Variants in PRMT3 observed in about 807,000 individuals in gnomAD.
PRMT3 encodes protein arginine methyltransferase 3.
PRMT3 carries 62 observed loss-of-function variants against 71.9 expected under a neutral mutation model. The ratio of observed to expected loss-of-function variants is 0.86; its 90% CI spans 0.70 to 1.07. The LOEUF (loss-of-function observed/expected upper bound fraction) is 1.07, where lower values mean the gene tolerates loss of function less well. Ranked by LOEUF, PRMT3 falls within the 50% of genes least tolerant of loss-of-function variation. The pLI, the probability that PRMT3 is intolerant of heterozygous loss-of-function variation, is 0.00. For missense variants in PRMT3, 663 were observed against 643.0 expected (o/e 1.03, Z -0.34); for synonymous variants, 213 against 220.4 (o/e 0.97, Z 0.30).
chr11:20,399,343 G>A (rs1249287970), intron 7 of PRMT3, among the ~76,000 whole-genome samples: 1 of 152,076 alleles, frequency 6.6e-6, no homozygotes, highest in Non-Finnish European at 1.5e-5. Context: ...CTTATATGGG[G>A]TCTTTTAAAA....
intron 13 of PRMT3, among the ~76,000 whole-genome samples, chr11:20,478,286 T>G (rs924492468): frequency 6.6e-6 from 1 of 152,214 alleles, no homozygotes; most frequent in Non-Finnish European, 1.5e-5. Context: ...ATAAATTGCT[T>G]TTTAAAGCCC....
At chr11:20,446,239 G>A (rs542129224) in intron 10 of PRMT3, among the ~76,000 whole-genome samples, 5 of 152,054 alleles carry the variant, frequency 3.3e-5, no homozygotes, top group South Asian at 2.1e-4. Context: ...TGCTAATCTC[G>A]TAGTCATGTA....
At chr11:20,492,715 C>T (rs1851235936) in intron 13 of PRMT3, among the ~76,000 whole-genome samples, 1 of 152,092 alleles carries the variant, frequency 6.6e-6, no homozygotes, top group African/African-American at 2.4e-5. Context: ...TTAAATTTAA[C>T]CAAAAAACTC....
At chr11:20,445,140 CCT>C (rs1849995600) in intron 10 of PRMT3, among the ~76,000 whole-genome samples, 2 of 151,890 alleles carry the variant, frequency 1.3e-5, no homozygotes, top group African/African-American at 4.8e-5. Context: ...CTTTTCTAAA[CCT>C]CTCTTACAAT....
chr11:20,402,989 G>T lies in PRMT3; in HGVS notation c.771+5G>T, dbSNP rs202067333. 5.1e-6 allele frequency: 8 copies of T among 1,565,674 alleles called. No individual in the cohort carries two copies. The Middle Eastern group carries it at 5.0e-4, about 98-fold the overall frequency. ...CCACATATCTTCAAAGACAAGGTAA[G>T]TAGTATAGGTTATAGAATTATACAT... is the stretch of plus-strand genomic sequence containing the variant. On this transcript the variant is annotated splice_donor_5th_base_variant and intron_variant, in intron 8 of 15. Coordinates refer to ENST00000331079, the MANE Select transcript of PRMT3 (RefSeq NM_005788.4).
At chr11:20,407,528 G>T (rs1849097903) in intron 8 of PRMT3, 1 of 158,478 alleles carries the variant, frequency 6.3e-6, no homozygotes, top group Non-Finnish European at 1.4e-5. Flanking sequence ...GACTCACCCA[G>T]ACAGGCCATG....
At chr11:20,404,475 G>A (rs1432414219) in intron 8 of PRMT3, among the ~76,000 whole-genome samples, 5 of 151,580 alleles carry the variant, frequency 3.3e-5, no homozygotes, top group South Asian at 2.1e-4. Flanking sequence ...CTTGTGATCC[G>A]CCCGCCTCGG....
At chr11:20,396,438 A>G (rs1457020059) in intron 6 of PRMT3, among the ~76,000 whole-genome samples, 1 of 152,120 alleles carries the variant, frequency 6.6e-6, no homozygotes, top group African/African-American at 2.4e-5. Context: ...GGAGTTTGAG[A>G]CCAGCCTGGC....
At chr11:20,411,266 A>G (rs889471567) in intron 9 of PRMT3, among the ~76,000 whole-genome samples, 10 of 152,108 alleles carry the variant, frequency 6.6e-5, no homozygotes, top group African/African-American at 2.4e-4. Flanking sequence ...CATTGACTCA[A>G]AATACTTGTC....
intron 9 of PRMT3, among the ~76,000 whole-genome samples, chr11:20,415,139 A>G (rs1849277286): frequency 6.6e-6 from 1 of 152,014 alleles, no homozygotes; most frequent in Non-Finnish European, 1.5e-5. Flanking sequence ...TAAGTTTAAT[A>G]GAAATAACAG....
chr11:20,409,442 A>G (rs1402944074), intron 9 of PRMT3, among the ~76,000 whole-genome samples: 1 of 152,234 alleles, frequency 6.6e-6, no homozygotes, highest in African/African-American at 2.4e-5. Context: ...TGCCCAGCAC[A>G]TAGTAAATAT....
chr11:20,392,064 T>G, intron 3 of PRMT3, 147 bp from the exon 4 acceptor site: 1 of 692,258 alleles, frequency 1.4e-6, no homozygotes, highest in Non-Finnish European at 2.3e-6. Context: ...TATTACTACT[T>G]CTAATTCTTA....
At chr11:20,466,776 A>C (rs1283606657) in intron 13 of PRMT3, among the ~76,000 whole-genome samples, 1 of 152,224 alleles carries the variant, frequency 6.6e-6, no homozygotes, top group Non-Finnish European at 1.5e-5. Context: ...GTAAAACAAA[A>C]CAAGAAAAAA....
rs6483700 is a variant in PRMT3, at chr11:20,508,340, A to T, written c.1523A>T (p.Asn508Ile). 4 of 1,611,850 alleles carry T rather than the reference A, an allele frequency of 2.5e-6. No individual in the cohort carries two copies. Among genetic ancestry groups the T allele is most frequent in the Non-Finnish European group, 3.4e-6 (4 of 1,178,050 alleles). Reference protein sequence around the residue: ...ALKGKVTVHKNKKDPRSLTVT... With the variant: ...ALKGKVTVHKIKKDPRSLTVT... ...AAAGGAAAGGTCACAGTTCACAAGA[A>T]TAAGAAAGATCCACGTTCTCTCACC... Residue 508 changes from asparagine (N) to isoleucine (I), a missense_variant, in exon 16 of 16, where the codon AAT becomes ATT. Physicochemically the swap from Asn to Ile is moderately radical, Grantham distance 149. Coordinates refer to ENST00000331079, the MANE Select transcript of PRMT3 (RefSeq NM_005788.4).
chr11:20,486,233 T>TTG (rs1851067900), intron 13 of PRMT3, among the ~76,000 whole-genome samples: 1 of 152,180 alleles, frequency 6.6e-6, no homozygotes, highest in Non-Finnish European at 1.5e-5. Context: ...TAAAATTAGA[T>TTG]TGTAATGATG....
At chr11:20,421,183 T>C (rs955358335) in intron 9 of PRMT3, among the ~76,000 whole-genome samples, 1 of 152,122 alleles carries the variant, frequency 6.6e-6, no homozygotes, top group South Asian at 2.1e-4. Context: ...GACCACAGGC[T>C]CACGCCACCG....
At chr11:20,426,647 T>C in intron 9 of PRMT3, 119 bp from the exon 10 acceptor site, 6 of 1,075,846 alleles carry the variant, frequency 5.6e-6, no homozygotes, top group Non-Finnish European at 7.3e-6. Context: ...ACAACTAAGC[T>C]TTGATTGAAA....
At chr11:20,448,291 T>G (rs992392726) in intron 10 of PRMT3, among the ~76,000 whole-genome samples, 5 of 152,168 alleles carry the variant, frequency 3.3e-5, no homozygotes, top group Non-Finnish European at 7.4e-5. Flanking sequence ...ATGTTTTTAC[T>G]TGAAATGTCT....
At chr11:20,407,885 T>A in intron 8 of PRMT3, 26 bp from the exon 9 acceptor site, 1 of 1,583,260 alleles carries the variant, frequency 6.3e-7, no homozygotes, top group Non-Finnish European at 8.6e-7. Flanking sequence ...ATCTGTTTTG[T>A]TTTGGTTTTT....
Sources: gnomAD v4.1 joint callset for allele counts (sites outside exome capture counted in the v4.1 genomes callset) on GRCh38, gnomAD v4.1.1 for gene constraint, MANE v1.5 for transcripts, NCBI Gene and HGNC (gene_info 2026-07-23, HGNC 2026-07-21) for gene names.